RPTOR: variants seen among roughly 807,000 people sequenced by gnomAD.
RPTOR encodes regulatory associated protein of MTOR complex 1.
RPTOR carries 21 observed loss-of-function variants against 169.9 expected under a neutral mutation model. That is an observed-to-expected ratio of 0.12 (90% CI 0.09 to 0.18). The LOEUF (loss-of-function observed/expected upper bound fraction) is 0.18, where lower values mean the gene tolerates loss of function less well. Among genes scored for constraint, RPTOR ranks in the 10% least tolerant of loss-of-function variants. The pLI, the probability that RPTOR is intolerant of heterozygous loss-of-function variation, is 1.00. For synonymous variants in RPTOR, 732 were observed against 753.2 expected (o/e 0.97, Z 0.46); for missense variants, 1,133 against 1,855.9 (o/e 0.61, Z 7.16).
intron 3 of RPTOR, among the ~76,000 whole-genome samples, chr17:80,663,743 C>T (rs145236699): frequency 1.8e-4 from 28 of 152,224 alleles, no homozygotes; most frequent in African/African-American, 6.5e-4. Flanking sequence ...AGCCCCTCCC[C>T]AGTCACAGTC....
intron 5 of RPTOR, among the ~76,000 whole-genome samples, chr17:80,749,931 G>A (rs1214384398): frequency 1.3e-5 from 2 of 151,674 alleles, no homozygotes; most frequent in Non-Finnish European, 2.9e-5. Flanking sequence ...GCCCAGGCTG[G>A]TCTCAAACTC....
chr17:80,673,019 C>T (rs146289225), intron 3 of RPTOR, among the ~76,000 whole-genome samples: 7,007 of 152,094 alleles, frequency 0.046, 228 homozygotes, highest in Admixed American at 0.095. Context: ...CTCCACCTCC[C>T]GGGTTCAAGC....
chr17:80,964,462 C>T lies in RPTOR; in HGVS notation c.*132C>T, dbSNP rs935362001. Reference sequence around the variant, plus strand: ...TGGCTGCTGCCTTAGCTGCTGATGACGGCAGGAGGGCCCTGCTACTCGCTT... The same window carrying T: ...TGGCTGCTGCCTTAGCTGCTGATGATGGCAGGAGGGCCCTGCTACTCGCTT... On this transcript the variant is annotated 3_prime_UTR_variant, in exon 34 of 34. Coordinates refer to ENST00000306801, the MANE Select transcript of RPTOR (RefSeq NM_020761.3). 55 of 835,838 alleles carry T rather than the reference C, an allele frequency of 6.6e-5. No individual in the cohort carries two copies. Among genetic ancestry groups the T allele is most frequent in the East Asian group, 4.3e-4 (17 of 39,300 alleles). 51.8% of individuals were successfully genotyped at this position (835,838 alleles called of 1,614,324 possible). A position where few individuals can be genotyped will look rare whatever the true frequency, so the allele number is the denominator to read the frequency against.
chr17:80,578,879 C>T (rs916611046), intron 1 of RPTOR, among the ~76,000 whole-genome samples: 4 of 152,280 alleles, frequency 2.6e-5, no homozygotes, highest in African/African-American at 4.8e-5. Context: ...GGCATGGGGG[C>T]GGCCGGCAGC....
In RPTOR at chr17:80,893,865, G is replaced by C. The variant is rs1174616052; in HGVS notation, c.2401G>C (p.Gly801Arg). 2 of 1,519,596 alleles carry C rather than the reference G, an allele frequency of 1.3e-6. No individual in the cohort carries two copies. The highest frequency in any genetic ancestry group is 1.8e-6 in the Non-Finnish European group (2 of 1,131,458). The allele number at this position is 1,519,596 out of a possible 1,614,324, so 94.1% of individuals were successfully genotyped here. Residue 801 changes from glycine to arginine, a missense_variant and splice_region_variant, in exon 20 of 34, where the codon GGA becomes CGA. Around this residue, in one of 9 missense-constraint regions of RPTOR, gnomAD observed 150 missense variants for 206.4 expected, o/e 0.73. Coordinates refer to ENST00000306801, the MANE Select transcript of RPTOR (RefSeq NM_020761.3). ...SSYSSLNSLI[G>R]VSFNSVYTQI... Reference sequence around the variant, plus strand: ...CTACTCCTCCCTCAACTCCCTCATCGGTGAGTCCGCCTGCCCCTTTCTGCT... The same window carrying C: ...CTACTCCTCCCTCAACTCCCTCATCCGTGAGTCCGCCTGCCCCTTTCTGCT...
chr17:80,767,190 T>G (rs748980954), intron 6 of RPTOR, among the ~76,000 whole-genome samples: 1 of 152,062 alleles, frequency 6.6e-6, no homozygotes, highest in Non-Finnish European at 1.5e-5. Flanking sequence ...CTGGGCAACA[T>G]AGCAAAACCC....
intron 6 of RPTOR, among the ~76,000 whole-genome samples, chr17:80,766,583 G>A (rs2066789836): frequency 6.6e-6 from 1 of 152,146 alleles, no homozygotes; most frequent in Non-Finnish European, 1.5e-5. Context: ...TAACATACCT[G>A]TTTAGTTGGC....
intron 21 of RPTOR, among the ~76,000 whole-genome samples, chr17:80,918,124 C>T (rs1281424220): frequency 6.6e-6 from 1 of 152,240 alleles, no homozygotes; most frequent in East Asian, 1.9e-4. Flanking sequence ...TTGTCATGCA[C>T]ATGCTCATTC....
chr17:80,777,250 A>G (rs2066900206), intron 6 of RPTOR, among the ~76,000 whole-genome samples: 2 of 150,712 alleles, frequency 1.3e-5, no homozygotes, highest in African/African-American at 4.9e-5. Context: ...AAAAAAAAAG[A>G]AAAAAGAAAG....
chr17:80,889,648 A>T (rs2068291668), intron 17 of RPTOR, among the ~76,000 whole-genome samples: 2 of 152,166 alleles, frequency 1.3e-5, no homozygotes, highest in Non-Finnish European at 2.9e-5. Context: ...CTGCATGAAT[A>T]TCCTAAAGAA....
At position 80,922,222 on chromosome 17, in the gene RPTOR, C is replaced by T. The variant is rs1430309421; in HGVS notation, c.2521-502C>T. On this transcript the variant is annotated intron_variant, in intron 21 of 33. Transcript: ENST00000306801. ...CCGTGAATGCCACATCGCCCGGCTC[C>T]GGAAAGAGCATGGCTGGTGGATTCT... is the stretch of plus-strand genomic sequence containing the variant. 3.3e-5 allele frequency among the ~76,000 whole-genome samples: 5 copies of T among 152,354 alleles called. No individual in the cohort carries two copies. The South Asian group carries it at 6.2e-4, about 19-fold the overall frequency.
chr17:80,878,902 T>G lies in RPTOR; in HGVS notation c.1510-1513T>G, dbSNP rs1438006197. ...AACACTGCCAGCCTCAGAGCCGGCCTGTTTCCTCCAGGACGCCCACAGGAC... is the reference window on the plus strand; with the variant it reads ...AACACTGCCAGCCTCAGAGCCGGCCGGTTTCCTCCAGGACGCCCACAGGAC... On this transcript the variant is annotated intron_variant, in intron 13 of 33. Transcript: ENST00000306801. This position sits in a 1 kb window ranked among gnomAD's most constrained non-coding sequence, Gnocchi z 4.1. Among the ~76,000 whole-genome samples, 1 of 152,150 alleles carries G rather than the reference T, an allele frequency of 6.6e-6. No individual in the cohort carries two copies. The highest frequency in any genetic ancestry group is 1.5e-5 in the Non-Finnish European group (1 of 68,018).
chr17:80,883,211 C>T (rs2068205379), intron 14 of RPTOR, among the ~76,000 whole-genome samples: 1 of 152,176 alleles, frequency 6.6e-6, no homozygotes, highest in South Asian at 2.1e-4. Context: ...CTGTTCACTC[C>T]GGGAGGCGAG....
rs948770682 is a variant in RPTOR at position 80,609,638 on chromosome 17, A to T, written c.163-16053A>T. 2.6e-5 allele frequency among the ~76,000 whole-genome samples: 4 copies of T among 152,072 alleles called. No homozygotes were observed. The highest frequency in any genetic ancestry group is 4.4e-5 in the Non-Finnish European group (3 of 68,008). On this transcript the variant is annotated intron_variant, in intron 1 of 33. Coordinates refer to ENST00000306801, the MANE Select transcript of RPTOR (RefSeq NM_020761.3). The surrounding 1 kb of genome is among the most constrained non-coding windows in gnomAD (Gnocchi z 4.8). ...CGCACGCCTGTAATTCCGGCTACTC[A>T]GGAGGCTGAGGCATGAGAATCGCTT... is the stretch of plus-strand genomic sequence containing the variant.
chr17:80,884,047 T>G (rs1387955532), intron 16 of RPTOR, 75 bp downstream of exon 16: 1 of 1,482,810 alleles, frequency 6.7e-7, no homozygotes, highest in Non-Finnish European at 9.1e-7. Flanking sequence ...TCTGCTCGCG[T>G]GCGGGTGTGG....
intron 7 of RPTOR, among the ~76,000 whole-genome samples, chr17:80,799,724 G>C (rs1224850752): frequency 1.3e-5 from 2 of 148,950 alleles, no homozygotes; most frequent in Non-Finnish European, 3.0e-5. Flanking sequence ...CCCCTCCCTG[G>C]CGGCCGCCCT....
rs72851589 is a variant in RPTOR, at chr17:80,754,838, A to G, written c.830+653A>G. On this transcript the variant is annotated intron_variant, in intron 6 of 33. Transcript: ENST00000306801. The surrounding 1 kb of genome is among the most constrained non-coding windows in gnomAD (Gnocchi z 4.2). ...CATTTTATGTTTTGCTGAAAAGCTTATATGTCGTGGCTGTTACCGGCTAGT... is the reference window on the plus strand; with the variant it reads ...CATTTTATGTTTTGCTGAAAAGCTTGTATGTCGTGGCTGTTACCGGCTAGT... 0.1 allele frequency among the ~76,000 whole-genome samples: 15,184 copies of G among 152,154 alleles called. 1,005 individuals carry two copies. Among genetic ancestry groups the G allele is most frequent in the East Asian group, 0.24 (1,222 of 5,162 alleles).
intron 11 of RPTOR, among the ~76,000 whole-genome samples, chr17:80,854,559 C>T (rs1315815432): frequency 2.0e-5 from 3 of 152,186 alleles, no homozygotes; most frequent in Admixed American, 6.5e-5. Context: ...GTACATGTGC[C>T]GATGTACCCA....
intron 1 of RPTOR, among the ~76,000 whole-genome samples, chr17:80,576,676 C>T (rs189243912): frequency 1.3e-5 from 2 of 152,302 alleles, no homozygotes; most frequent in Non-Finnish European, 1.5e-5. Context: ...ACATTCACTT[C>T]GTTAGTCTGA....
Sources: allele counts gnomAD v4.1 joint callset (sites outside exome capture counted in the v4.1 genomes callset), GRCh38; gene constraint gnomAD v4.1.1; regional missense constraint gnomAD v4.1.1; non-coding constraint Gnocchi (gnomAD v3.1); transcripts MANE v1.5; gene names NCBI Gene and HGNC (gene_info 2026-07-23, HGNC 2026-07-21).